Variants in MZT2A observed in about 807,000 individuals in gnomAD.
MZT2A encodes mitotic spindle organizing protein 2A.
In MZT2A, 8 loss-of-function variants were observed where a neutral mutation model predicts 12.4. The observed-to-expected ratio is 0.64, with a 90% confidence interval of 0.38 to 1.16. The LOEUF is 1.16. Among genes scored for constraint, MZT2A ranks in the 50% most tolerant of loss-of-function variants. MZT2A has a pLI of 0.01. For synonymous variants in MZT2A, 88 were observed against 107.5 expected, an observed-to-expected ratio of 0.82 and a Z score of 1.12; for missense variants, 181 against 223.6, an observed-to-expected ratio of 0.81 and a Z score of 1.22.
chr2:131,484,795 G>C (rs920736363), intron 2 of MZT2A, among the ~76,000 whole-genome samples: 37 of 152,172 alleles, frequency 2.4e-4, no homozygotes, highest in Non-Finnish European at 5.4e-4. Context: ...CTTGCTTTCG[G>C]GTTTAGCTGC....
downstream of MZT2A, among the ~76,000 whole-genome samples, chr2:131,481,607 G>A (rs1678869561): frequency 6.6e-6 from 1 of 151,964 alleles, no homozygotes; most frequent in African/African-American, 2.4e-5. Flanking sequence ...GCTAATTTTT[G>A]TATTTTTAGT....
At chr2:131,485,074 A>C (rs1179684194) in intron 2 of MZT2A, among the ~76,000 whole-genome samples, 1 of 152,162 alleles carries the variant, frequency 6.6e-6, no homozygotes, top group Non-Finnish European at 1.5e-5. Flanking sequence ...CCCGGGTAGC[A>C]GGCTTGCCCG....
chr2:131,492,835 T>C, upstream of MZT2A: 1 of 1,462,300 alleles, frequency 6.8e-7, no homozygotes, highest in Non-Finnish European at 9.1e-7. Context: ...CGCGCATTCC[T>C]TGCTAGGGAG....
chr2:131,484,996 C>T (rs568331546), intron 2 of MZT2A, among the ~76,000 whole-genome samples: 4 of 152,316 alleles, frequency 2.6e-5, no homozygotes, highest in African/African-American at 9.6e-5. Flanking sequence ...TAATGGGATG[C>T]ATTTCCCTGG....
intron 2 of MZT2A, among the ~76,000 whole-genome samples, chr2:131,477,944 G>A (rs1372305870): frequency 3.9e-5 from 6 of 152,158 alleles, no homozygotes; most frequent in African/African-American, 7.2e-5. Context: ...TGGCAAACAG[G>A]TTCTAGGGCT....
At position 131,492,024 on chromosome 2, in the gene MZT2A, C is replaced by T. The variant is rs1440541155; in HGVS notation, c.171G>A (p.Lys57=). 1.3e-6 allele frequency: 2 copies of T among 1,540,454 alleles called. No individual in the cohort carries two copies. Among genetic ancestry groups the T allele is most frequent in the East Asian group, 2.4e-5 (1 of 41,102 alleles). Reference sequence around the variant, plus strand: ...TCAGCTTCAGCAGGTCCACCAGGATCCTGGCGGGGACAGACGCGGGGCCGG... The same window carrying T: ...TCAGCTTCAGCAGGTCCACCAGGATTCTGGCGGGGACAGACGCGGGGCCGG... The part of the protein sequence containing the change: ...AGGGIDPDVF[K]ILVDLLKLNV... The change falls in exon 2 of 3, where the codon AAG becomes AAA. Residue 57 remains lysine (K), a splice_region_variant and synonymous_variant. Transcript: ENST00000309451.
intron 2 of MZT2A, chr2:131,472,315 T>A: frequency 1.5e-5 from 10 of 650,564 alleles, no homozygotes; most frequent in Non-Finnish European, 2.1e-5. Context: ...GTATACTAAA[T>A]AAAATACACA....
At chr2:131,472,893 G>A (rs71428584) in intron 2 of MZT2A, among the ~76,000 whole-genome samples, 527 of 150,498 alleles carry the variant, frequency 3.5e-3, no homozygotes, top group Middle Eastern at 0.01. Flanking sequence ...GAGGAAGGGG[G>A]ACTATGGACT....
chr2:131,489,368 GT>G (rs60079614), intron 2 of MZT2A: 21,469 of 134,992 alleles, frequency 0.16, 2,919 homozygotes, highest in African/African-American at 0.37. Context: ...CACCTGGCTA[GT>G]TTTTTTTTTT....
intron 2 of MZT2A, among the ~76,000 whole-genome samples, chr2:131,488,450 G>A (rs925457315): frequency 1.6e-4 from 24 of 152,158 alleles, no homozygotes; most frequent in African/African-American, 5.8e-4. Context: ...AGCTCACAGA[G>A]GCAAGCTCGA....
intron 2 of MZT2A, among the ~76,000 whole-genome samples, chr2:131,485,054 T>C (rs1679001978): frequency 6.6e-6 from 1 of 152,184 alleles, no homozygotes; most frequent in East Asian, 1.9e-4. Flanking sequence ...CCCTCCAAGG[T>C]ACAAACGTGC....
chr2:131,476,106 G>T lies in MZT2A; in HGVS notation c.279-3924C>A. 10 of 1,591,436 alleles carry T rather than the reference G, an allele frequency of 6.3e-6. No individual in the cohort carries two copies. In the South Asian group the frequency reaches 1.1e-4, roughly 18 times the overall value. ...CACCGGCGGGCCAATCCCGTGCGGC[G>T]CGCACAGGCAGGAGGTTGCAGTTGG... On this transcript the variant is annotated intron_variant and NMD_transcript_variant, in intron 2 of 4. Coordinates refer to the MZT2A transcript ENST00000427024.
chr2:131,486,057 T>C (rs914669625), intron 2 of MZT2A, among the ~76,000 whole-genome samples: 1 of 151,144 alleles, frequency 6.6e-6, no homozygotes, highest in Non-Finnish European at 1.5e-5. Flanking sequence ...GGTGTCATGC[T>C]GGGAACTCTG....
downstream of MZT2A, chr2:131,482,719 C>G (rs201823217): frequency 3.7e-6 from 6 of 1,614,086 alleles, no homozygotes; most frequent in Non-Finnish European, 5.1e-6. Context: ...TGCACTGGTA[C>G]GTGGGCGAAG....
chr2:131,492,971 T>G, upstream of MZT2A: 1 of 1,519,966 alleles, frequency 6.6e-7, no homozygotes, highest in Non-Finnish European at 8.9e-7. Flanking sequence ...CCGGCCGGCC[T>G]TCTTCGCTTT....
Position 131,476,346 on chromosome 2 carries a change from G to A in MZT2A, c.279-4164C>T, listed in dbSNP as rs185216881. The A allele has an allele frequency of 2.1e-5, 30 of 1,436,742 alleles. No homozygotes were observed. In the East Asian group the frequency reaches 7.4e-4, roughly 35 times the overall value. 89.0% of individuals were successfully genotyped at this position (1,436,742 alleles called of 1,614,324 possible). Reference sequence around the variant, plus strand: ...GTCTAGTGCGGGACAGGAGGACACGGGATCGTTTCCTGGATCTTTGGGTCC... The same window carrying A: ...GTCTAGTGCGGGACAGGAGGACACGAGATCGTTTCCTGGATCTTTGGGTCC... On this transcript the variant is annotated intron_variant and NMD_transcript_variant, in intron 2 of 4. Transcript: ENST00000427024.
At chr2:131,474,244 C>T (rs1157366355) in intron 2 of MZT2A, among the ~76,000 whole-genome samples, 1 of 151,620 alleles carries the variant, frequency 6.6e-6, no homozygotes, top group Non-Finnish European at 1.5e-5. Flanking sequence ...ACTGCAGGCA[C>T]CCGCCGCCAC....
At chr2:131,479,782 A>C (rs879211479), downstream of MZT2A, among the ~76,000 whole-genome samples, 1 of 152,078 alleles carries the variant, frequency 6.6e-6, no homozygotes, top group Non-Finnish European at 1.5e-5. Context: ...GGAGGTTGCA[A>C]TGAGCTGAGA....
chr2:131,491,738 G>C (rs1441708610), intron 2 of MZT2A, 138 bp downstream of exon 2: 1 of 1,166,434 alleles, frequency 8.6e-7, no homozygotes, highest in East Asian at 2.6e-5. Context: ...CCCACGGATG[G>C]GCCCTGCAGG....
Sources: allele counts gnomAD v4.1 joint callset (sites outside exome capture counted in the v4.1 genomes callset), GRCh38; gene constraint gnomAD v4.1.1; transcripts MANE v1.5; gene names NCBI Gene and HGNC (gene_info 2026-07-23, HGNC 2026-07-21).